TRIM23: variants seen among roughly 807,000 people sequenced by gnomAD.
The protein encoded by TRIM23 is E3 ubiquitin-protein ligase TRIM23.
Under a neutral mutation model 71.0 loss-of-function variants are expected in TRIM23, and 27 were observed. The observed-to-expected ratio is 0.38, with a 90% CI of 0.28 to 0.52. TRIM23 has a LOEUF of 0.52. TRIM23 is among the 20% of genes least tolerant of loss of function. TRIM23 has a pLI of 0.84. For synonymous variants in TRIM23, 234 were observed against 238.0 expected (o/e 0.98, Z 0.16); for missense variants, 482 against 692.3 (o/e 0.70, Z 3.41).
chr5:65,616,878 T>C (rs1411915466), intron 2 of TRIM23, among the ~76,000 whole-genome samples: 1 of 151,810 alleles, frequency 6.6e-6, no homozygotes, highest in Non-Finnish European at 1.5e-5. Context: ...TCCACCACCA[T>C]GCCTAGCTAA....
Position 65,604,928 on chromosome 5 carries a change from G to A in TRIM23, c.1162C>T (p.Pro388Ser), listed in dbSNP as rs1441539557. 2 of 1,613,288 alleles carry A rather than the reference G, an allele frequency of 1.2e-6. No individual in the cohort carries two copies. The highest frequency in any genetic ancestry group is 1.7e-6 in the Non-Finnish European group (2 of 1,179,720). ...TACATTACCTTTGTAAAAGTGACAG[G>A]GATGCTGGCATCCAACTGAATGTGA... is the stretch of plus-strand genomic sequence containing the variant. ...ADHIQLDASI[P>S]VTFTKDNRVH... The change falls in exon 7 of 11, where the codon CCT becomes TCT. Residue 388 changes from proline (P) to serine (S), a missense_variant. This residue lies in a region of TRIM23 where 307 missense variants were observed against 495.8 expected (regional missense o/e 0.62). Transcript: ENST00000231524.
chr5:65,621,003 C>T (rs2150644891), intron 1 of TRIM23, among the ~76,000 whole-genome samples: 1 of 151,846 alleles, frequency 6.6e-6, no homozygotes, highest in Admixed American at 6.6e-5. Flanking sequence ...GCACTCCCAC[C>T]TGGGTGACAG....
chr5:65,593,707 A>C (rs935864361), intron 10 of TRIM23, among the ~76,000 whole-genome samples: 4 of 152,114 alleles, frequency 2.6e-5, no homozygotes, highest in African/African-American at 4.8e-5. Flanking sequence ...AAGGTCTAGG[A>C]ATCTTCAGCT....
In TRIM23 at chr5:65,591,817, G is replaced by A. The variant is rs143394952; in HGVS notation, c.1677C>T (p.Asp559=). The A allele has an allele frequency of 3.7e-4, 603 of 1,612,498 alleles. 1 individual carries two copies. Among genetic ancestry groups the A allele is most frequent in the Non-Finnish European group, 4.0e-4 (470 of 1,179,090 alleles). The change falls in exon 11 of 11, where the codon GAC becomes GAT. Residue 559 remains aspartate (D), a synonymous_variant. Transcript: ENST00000231524. ...CAGCTACAAGTTGCCGTGAGAGCCA[G>A]TCCAACCCTTCATACAGTCCCATAC... The part of the protein sequence containing the change: ...RSGMGLYEGL[D]WLSRQLVAAG...
At chr5:65,603,944 GTAA>G (rs753035999) in intron 7 of TRIM23, among the ~76,000 whole-genome samples, 22 of 144,224 alleles carry the variant, frequency 1.5e-4, no homozygotes, top group East Asian at 8.0e-4. Context: ...CTTTTTTGGT[GTAA>G]TAATGATATT....
rs563605821 is a variant in TRIM23 at position 65,612,449 on chromosome 5, C to G, written c.367-568G>C. On this transcript the variant is annotated intron_variant, in intron 3 of 10. Transcript: ENST00000231524. The stretch of plus-strand genomic sequence containing the variant: ...ACTTGTATATATTTTTCTAATTATA[C>G]GCCATGTTATTTTAATAGCTCCACA... Among the ~76,000 whole-genome samples the G allele has an allele frequency of 1.8e-4, 27 of 152,094 alleles. 1 individual carries two copies. In the East Asian group the frequency reaches 5.2e-3, roughly 29 times the overall value.
chr5:65,602,289 A>C (rs1449052327), intron 7 of TRIM23, among the ~76,000 whole-genome samples: 2 of 152,186 alleles, frequency 1.3e-5, no homozygotes, highest in Non-Finnish European at 2.9e-5. Context: ...GAAGTTCCAC[A>C]AATGTCTAGG....
intron 1 of TRIM23, among the ~76,000 whole-genome samples, chr5:65,620,802 A>T (rs1385049836): frequency 2.0e-5 from 3 of 152,136 alleles, no homozygotes; most frequent in African/African-American, 7.2e-5. Context: ...TAGGCCAGGC[A>T]CTGTGGCTCA....
At chr5:65,598,018 G>C (rs1182724863) in intron 7 of TRIM23, among the ~76,000 whole-genome samples, 1 of 152,012 alleles carries the variant, frequency 6.6e-6, no homozygotes, top group Non-Finnish European at 1.5e-5. Context: ...CTCTTTGCTT[G>C]GATTTTATGA....
Position 65,591,645 on chromosome 5 carries a change from T to TTATATATATATATATATA in TRIM23, c.*106_*123dup, listed in dbSNP as rs10644434. On this transcript the variant is annotated 3_prime_UTR_variant, in exon 11 of 11. Coordinates refer to ENST00000231524, the MANE Select transcript of TRIM23 (RefSeq NM_001656.4). ...ACTGAATTCCCAATCCAAGATTCCT[T>TTATATATATATATATATA]TATATATATATATATATATATGCAT... 1,423 of 716,820 alleles carry TTATATATATATATATATA rather than the reference T, an allele frequency of 2.0e-3. 23 individuals carry two copies. Among genetic ancestry groups the TTATATATATATATATATA allele is most frequent in the Admixed American group, 7.6e-3 (155 of 20,444 alleles). 44.4% of individuals were successfully genotyped at this position (716,820 alleles called of 1,614,324 possible).
chr5:65,615,605 T>C (rs1353718824), intron 2 of TRIM23, among the ~76,000 whole-genome samples: 1 of 152,010 alleles, frequency 6.6e-6, no homozygotes, highest in African/African-American at 2.4e-5. Context: ...GCCTTGCCCC[T>C]AGAAGGCTTT....
intron 1 of TRIM23, among the ~76,000 whole-genome samples, chr5:65,619,613 A>G (rs1754871256): frequency 2.0e-5 from 3 of 152,352 alleles, no homozygotes; most frequent in Admixed American, 2.0e-4. Flanking sequence ...GTGATAATTC[A>G]TAATTGCTTT....
Position 65,614,091 on chromosome 5 carries a change from T to A in TRIM23, c.366+7A>T. On this transcript the variant is annotated splice_region_variant and intron_variant, in intron 3 of 10. Transcript: ENST00000231524. The stretch of plus-strand genomic sequence containing the variant: ...GTAACAAATATTTCACCAAGTATGA[T>A]CAATACCTCTCCAGATATCCCAATG... 1 of 1,612,806 alleles carries A rather than the reference T, an allele frequency of 6.2e-7. No individual in the cohort carries two copies. The highest frequency in any genetic ancestry group is 8.5e-7 in the Non-Finnish European group (1 of 1,179,596).
rs1753987805 is a variant in TRIM23 at position 65,590,489 on chromosome 5, T to TA, written c.*1279dup. ...TCTTGTTACCAGACATCACTGTCCTTACAACAATTCAACTAATAAGATTTA... is the reference window on the plus strand; with the variant it reads ...TCTTGTTACCAGACATCACTGTCCTTAACAACAATTCAACTAATAAGATTTA... On this transcript the variant is annotated 3_prime_UTR_variant, in exon 11 of 11. Transcript: ENST00000231524. 2 of 1,221,798 alleles carry TA rather than the reference T, an allele frequency of 1.6e-6. No individual in the cohort carries two copies. The highest frequency in any genetic ancestry group is 3.4e-5 in the East Asian group (1 of 29,296). The allele number at this position is 1,221,798 out of a possible 1,614,324, so 75.7% of individuals were successfully genotyped here. A position where few individuals can be genotyped will look rare whatever the true frequency, so the allele number is the denominator to read the frequency against.
At chr5:65,609,751 C>G (rs1438015160) in intron 5 of TRIM23, among the ~76,000 whole-genome samples, 1 of 152,104 alleles carries the variant, frequency 6.6e-6, no homozygotes, top group Non-Finnish European at 1.5e-5. Flanking sequence ...TATTAAATTC[C>G]AAAATATAAA....
Position 65,590,366 on chromosome 5 carries a change from C to CTTT in TRIM23, c.*1400_*1402dup. The CTTT allele has an allele frequency of 7.3e-7, 1 of 1,364,322 alleles. No homozygotes were observed. The highest frequency in any genetic ancestry group is 2.7e-5 in the Admixed American group (1 of 36,484). 84.5% of individuals were successfully genotyped at this position (1,364,322 alleles called of 1,614,324 possible). A position where few individuals can be genotyped will look rare whatever the true frequency, so the allele number is the denominator to read the frequency against. On this transcript the variant is annotated 3_prime_UTR_variant, in exon 11 of 11. Coordinates refer to ENST00000231524, the MANE Select transcript of TRIM23 (RefSeq NM_001656.4). ...ACATATTGCCCATAATACTGATAGG[C>CTTT]TTTTTTTTTAATGCTTTGTTTTCTA...
chr5:65,593,237 C>T lies in TRIM23; in HGVS notation c.1545+1284G>A, dbSNP rs186605671. ...ATCACTTGAGGTCAGGAGTTTGAGACCAGCCTGACCAACACGATGAAACCC... is the reference window on the plus strand; with the variant it reads ...ATCACTTGAGGTCAGGAGTTTGAGATCAGCCTGACCAACACGATGAAACCC... On this transcript the variant is annotated intron_variant, in intron 10 of 10. Coordinates refer to ENST00000231524, the MANE Select transcript of TRIM23 (RefSeq NM_001656.4). 6.1e-3 allele frequency among the ~76,000 whole-genome samples: 922 copies of T among 152,174 alleles called. 6 individuals are homozygous for T. Among genetic ancestry groups the T allele is most frequent in the Non-Finnish European group, 8.3e-3 (565 of 68,008 alleles).
chr5:65,602,621 G>A lies in TRIM23; in HGVS notation c.1179+2290C>T, dbSNP rs138500200. ...ATTTACTGTATTAGTCCATTTTCAC[G>A]CTGCTGATAAGGACATACCCGAAAC... On this transcript the variant is annotated intron_variant, in intron 7 of 10. Coordinates refer to ENST00000231524, the MANE Select transcript of TRIM23 (RefSeq NM_001656.4). 5.2e-3 allele frequency among the ~76,000 whole-genome samples: 785 copies of A among 152,130 alleles called. 7 individuals carry two copies. The highest frequency in any genetic ancestry group is 0.014 in the Middle Eastern group (4 of 294).
At chr5:65,601,975 C>T (rs1754375517) in intron 7 of TRIM23, among the ~76,000 whole-genome samples, 1 of 152,184 alleles carries the variant, frequency 6.6e-6, no homozygotes, top group African/African-American at 2.4e-5. Context: ...GACCTCCAGG[C>T]CTGTGATGGG....
Sources: gnomAD v4.1 joint callset for allele counts (sites outside exome capture counted in the v4.1 genomes callset) on GRCh38, gnomAD v4.1.1 for gene constraint, gnomAD v4.1.1 regional missense constraint, MANE v1.5 for transcripts, NCBI Gene and HGNC (gene_info 2026-07-23, HGNC 2026-07-21) for gene names.